The following PALM2AKAP2 variants were observed in gnomAD, a reference collection of about 807,000 sequenced individuals.
The protein encoded by PALM2AKAP2 is PALM2 and AKAP2 fusion, also known as PALM2-AKAP2 fusion protein.
A neutral mutation model predicts 71.5 loss-of-function variants in PALM2AKAP2; 37 were observed. The observed-to-expected ratio is 0.52, with a 90% CI of 0.40 to 0.68. The LOEUF (loss-of-function observed/expected upper bound fraction) is 0.68, where lower values mean the gene tolerates loss of function less well. Ranked by LOEUF, PALM2AKAP2 falls within the 30% of genes least tolerant of loss-of-function variation. The pLI is 0.00. For synonymous variants in PALM2AKAP2, 468 were observed against 478.8 expected (o/e 0.98, Z 0.29); for missense variants, 1,224 against 1,191.8 (o/e 1.03, Z -0.40).
At chr9:109,932,818 A>C (rs1831136157) in intron 6 of PALM2AKAP2, among the ~76,000 whole-genome samples, 1 of 152,242 alleles carries the variant, frequency 6.6e-6, no homozygotes, top group Non-Finnish European at 1.5e-5. Flanking sequence ...GTGACTTCAA[A>C]TATGAGTATC....
chr9:109,834,352 A>G (rs935034175), intron 1 of PALM2AKAP2, among the ~76,000 whole-genome samples: 2 of 152,240 alleles, frequency 1.3e-5, no homozygotes, highest in Admixed American at 6.5e-5. Context: ...ACCAGTTGGG[A>G]TTTAAGAAGC....
intron 3 of PALM2AKAP2, among the ~76,000 whole-genome samples, chr9:109,897,355 G>A (rs907662521): frequency 1.3e-5 from 2 of 152,096 alleles, no homozygotes. Flanking sequence ...GCTGAGGCAG[G>A]TGGATCACGA....
At chr9:109,817,743 G>A (rs1157139748) in intron 1 of PALM2AKAP2, among the ~76,000 whole-genome samples, 1 of 152,188 alleles carries the variant, frequency 6.6e-6, no homozygotes, top group Non-Finnish European at 1.5e-5. Flanking sequence ...TAGCACAGCT[G>A]TAAACCAGCT....
At chr9:109,919,225 T>G (rs143830515) in intron 3 of PALM2AKAP2, among the ~76,000 whole-genome samples, 1 of 152,300 alleles carries the variant, frequency 6.6e-6, no homozygotes, top group African/African-American at 2.4e-5. Context: ...AAATAGATGT[T>G]GGGGTGCTCC....
chr9:109,991,203 CT>C (rs1379966045), intron 6 of PALM2AKAP2, among the ~76,000 whole-genome samples: 1 of 150,724 alleles, frequency 6.6e-6, no homozygotes, highest in African/African-American at 2.4e-5. Context: ...CCTCTAAGAG[CT>C]TTTTATAATA....
At chr9:109,790,346 C>A (rs1827082346) in intron 1 of PALM2AKAP2, among the ~76,000 whole-genome samples, 1 of 152,036 alleles carries the variant, frequency 6.6e-6, no homozygotes, top group Admixed American at 6.6e-5. Flanking sequence ...GGATTTTTCC[C>A]CCCTCTGCTA....
At chr9:109,815,655 C>A (rs1827833438) in intron 1 of PALM2AKAP2, among the ~76,000 whole-genome samples, 2 of 152,178 alleles carry the variant, frequency 1.3e-5, no homozygotes, top group Admixed American at 1.3e-4. Context: ...AACATACCAA[C>A]TAGAAGGTAA....
chr9:110,118,654 A>G (rs1428195299), intron 1 of PALM2AKAP2, among the ~76,000 whole-genome samples: 1 of 152,080 alleles, frequency 6.6e-6, no homozygotes, highest in Non-Finnish European at 1.5e-5. Context: ...TGTATTTTTT[A>G]AATGCTTACT....
At chr9:109,747,670 T>A (rs966593944) in intron 1 of PALM2AKAP2, among the ~76,000 whole-genome samples, 8 of 151,770 alleles carry the variant, frequency 5.3e-5, no homozygotes, top group Non-Finnish European at 7.4e-5. Context: ...AACTCCATAA[T>A]TTTTTTCTTT....
chr9:109,947,715 CA>C (rs1466274171), intron 6 of PALM2AKAP2, among the ~76,000 whole-genome samples: 5 of 152,340 alleles, frequency 3.3e-5, no homozygotes, highest in African/African-American at 1.2e-4. Flanking sequence ...TACTCACTAA[CA>C]GGTCCTTTCC....
At chr9:110,156,070 A>G (rs923129734) in intron 2 of PALM2AKAP2, among the ~76,000 whole-genome samples, 1 of 152,198 alleles carries the variant, frequency 6.6e-6, no homozygotes, top group Non-Finnish European at 1.5e-5. Flanking sequence ...TATTTGCAAA[A>G]TGCGTGCTGT....
chr9:109,670,740 T>G (rs1357725139), intron 1 of PALM2AKAP2, among the ~76,000 whole-genome samples: 2 of 152,176 alleles, frequency 1.3e-5, no homozygotes, highest in Non-Finnish European at 2.9e-5. Flanking sequence ...CCACCAACAA[T>G]GTATAAGGAT....
At chr9:109,819,176 T>G (rs1827925665) in intron 1 of PALM2AKAP2, among the ~76,000 whole-genome samples, 1 of 152,242 alleles carries the variant, frequency 6.6e-6, no homozygotes, top group South Asian at 2.1e-4. Context: ...GCAATATAGG[T>G]GATGGCAAAT....
At chr9:109,643,225 G>A (rs1827098650) in intron 1 of PALM2AKAP2, among the ~76,000 whole-genome samples, 1 of 152,152 alleles carries the variant, frequency 6.6e-6, no homozygotes, top group Admixed American at 6.5e-5. Context: ...AGCAGGCTTG[G>A]ATATACGGAA....
In PALM2AKAP2 at chr9:109,758,627, T is replaced by C. The variant is rs553538544; in HGVS notation, c.6-21861T>C. 7.9e-5 allele frequency among the ~76,000 whole-genome samples: 12 copies of C among 151,820 alleles called. No homozygotes were observed. In the South Asian group the frequency reaches 2.5e-3, roughly 32 times the overall value. ...TTTTGCAGTGGAATTGGAAATTTTC[T>C]CACAGTCCTATCCAGATGTGCAAAG... On this transcript the variant is annotated intron_variant, in intron 1 of 6. Coordinates refer to the PALM2AKAP2 transcript ENST00000374531.
intron 1 of PALM2AKAP2, among the ~76,000 whole-genome samples, chr9:109,660,916 A>C (rs1827383521): frequency 6.6e-6 from 1 of 152,188 alleles, no homozygotes; most frequent in Non-Finnish European, 1.5e-5. Context: ...TCTGATGACC[A>C]GTGATGATGA....
At chr9:110,129,404 C>T (rs757044301) in intron 1 of PALM2AKAP2, among the ~76,000 whole-genome samples, 1 of 152,186 alleles carries the variant, frequency 6.6e-6, no homozygotes, top group Non-Finnish European at 1.5e-5. Flanking sequence ...TATTGAGACT[C>T]CATTTTGATG....
At chr9:109,841,057 C>T (rs1828648143) in intron 1 of PALM2AKAP2, among the ~76,000 whole-genome samples, 1 of 152,150 alleles carries the variant, frequency 6.6e-6, no homozygotes, top group African/African-American at 2.4e-5. Context: ...GCTACAAAGA[C>T]ACATGCACAG....
intron 1 of PALM2AKAP2, among the ~76,000 whole-genome samples, chr9:109,641,430 T>A (rs1167091950): frequency 6.6e-6 from 1 of 152,126 alleles, no homozygotes; most frequent in African/African-American, 2.4e-5. Context: ...AAGACAAACA[T>A]ATTGGCGGCA....
Sources: allele counts gnomAD v4.1 joint callset (sites outside exome capture counted in the v4.1 genomes callset), GRCh38; gene constraint gnomAD v4.1.1; transcripts MANE v1.5; gene names NCBI Gene and HGNC (gene_info 2026-07-23, HGNC 2026-07-21).